TEX11: variants seen among roughly 807,000 people sequenced by gnomAD.
The protein encoded by TEX11 is testis-expressed protein 11.
TEX11 carries 7 observed loss-of-function variants against 84.4 expected under a neutral mutation model. That is an observed-to-expected ratio of 0.08 (90% confidence interval 0.05 to 0.16). The LOEUF is 0.16. Ranked by LOEUF, TEX11 falls within the 10% of genes least tolerant of loss-of-function variation. The probability of loss-of-function intolerance (pLI) is 1.00; values close to 1 mark genes in which losing one functional copy is unlikely to be tolerated. For synonymous variants in TEX11, 264 were observed against 222.8 expected, an observed-to-expected ratio of 1.18 and a Z score of -1.64; for missense variants, 551 against 660.5, an observed-to-expected ratio of 0.83 and a Z score of 1.82.
intron 24 of TEX11, among the ~76,000 whole-genome samples, chrX:70,601,082 G>T (rs1656992488): frequency 5.9e-5 from 2 of 34,111 alleles, no homozygotes; most frequent in African/African-American, 2.1e-4. Flanking sequence ...TCCAGGAGCT[G>T]GTTTTTTGAA....
At chrX:70,721,485 T>C (rs2090558854) in intron 13 of TEX11, among the ~76,000 whole-genome samples, 1 of 112,105 alleles carries the variant, frequency 8.9e-6, no homozygotes, top group Non-Finnish European at 1.9e-5. Flanking sequence ...TTAGGTCATC[T>C]AGCTCTATAA....
At chrX:70,710,888 T>G (rs1031645819) in intron 13 of TEX11, among the ~76,000 whole-genome samples, 4 of 110,564 alleles carry the variant, frequency 3.6e-5, no homozygotes, top group Non-Finnish European at 5.7e-5. Context: ...GCCGCACCCA[T>G]TAACTCGTCA....
chrX:70,699,869 A>G (rs2090311827), intron 13 of TEX11, among the ~76,000 whole-genome samples: 1 of 111,047 alleles, frequency 9.0e-6, no homozygotes, highest in South Asian at 3.8e-4. Flanking sequence ...AAGGCTGACA[A>G]TTTAATTTCA....
chrX:70,709,780 A>G (rs2090409866), intron 13 of TEX11, among the ~76,000 whole-genome samples: 1 of 111,169 alleles, frequency 9.0e-6, no homozygotes, highest in Non-Finnish European at 1.9e-5. Context: ...CTGGGAATAA[A>G]ATGGTTAAGA....
At chrX:70,544,715 T>G (rs1234897071) in intron 28 of TEX11, among the ~76,000 whole-genome samples, 1 of 108,153 alleles carries the variant, frequency 9.2e-6, no homozygotes, top group Admixed American at 1.0e-4. Flanking sequence ...GGCACACGCC[T>G]GTAATCCCAG....
At chrX:70,678,771 A>G (rs756614826) in intron 15 of TEX11, 33 bp downstream of exon 15, 1 of 1,140,087 alleles carries the variant, frequency 8.8e-7, no homozygotes, top group Non-Finnish European at 1.2e-6. Context: ...TGCAGTGGAG[A>G]AATAAAGAAT....
At chrX:70,752,535 A>AG (rs1234242372) in intron 9 of TEX11, among the ~76,000 whole-genome samples, 1 of 107,769 alleles carries the variant, frequency 9.3e-6, no homozygotes, top group Non-Finnish European at 1.9e-5. Flanking sequence ...AAAAAAAAAA[A>AG]AAAAAAAAAA....
At position 70,528,981 on chromosome X, in the gene TEX11, C is replaced by T. The variant is rs868862476; in HGVS notation, c.*114G>A. ...TTATTTTAGAAAGTTTATTCAACAA[C>T]ATGAAAACAGGGTCTGAGCAAACAG... On this transcript the variant is annotated 3_prime_UTR_variant, in exon 30 of 30. Coordinates refer to ENST00000374333, the MANE Select transcript of TEX11 (RefSeq NM_031276.3). The T allele has an allele frequency of 2.5e-5, 13 of 530,470 alleles. No homozygotes were observed. Among genetic ancestry groups the T allele is most frequent in the Middle Eastern group, 9.5e-4 (2 of 2,098 alleles). The allele number at this position is 530,470 out of a possible 1,213,427, so 43.7% of individuals were successfully genotyped here. A position where few individuals can be genotyped will look rare whatever the true frequency, so the allele number is the denominator to read the frequency against.
intron 13 of TEX11, among the ~76,000 whole-genome samples, chrX:70,709,327 A>G (rs1240272697): frequency 9.0e-6 from 1 of 111,096 alleles, no homozygotes; most frequent in Non-Finnish European, 1.9e-5. Context: ...TCAGTGGCTG[A>G]TAACCTTTTA....
At chrX:70,784,828 G>T (rs2091066985) in intron 9 of TEX11, among the ~76,000 whole-genome samples, 1 of 111,571 alleles carries the variant, frequency 9.0e-6, no homozygotes, top group South Asian at 3.8e-4. Flanking sequence ...AATAAAAGAG[G>T]ATACAAAGAA....
At chrX:70,707,349 T>TATG (rs200587259) in intron 13 of TEX11, among the ~76,000 whole-genome samples, 5,634 of 111,212 alleles carry the variant, frequency 0.051, 290 homozygotes, top group Admixed American at 0.23. Context: ...AAGTGGTGCC[T>TATG]ATGTTTTCCA....
chrX:70,848,786 A>G (rs1235241322), intron 7 of TEX11, among the ~76,000 whole-genome samples: 3 of 111,771 alleles, frequency 2.7e-5, no homozygotes, highest in East Asian at 2.8e-4. Context: ...CTTGGCTTGT[A>G]TCTCCAGGAT....
chrX:70,837,918 A>T (rs1029564023), intron 7 of TEX11, among the ~76,000 whole-genome samples: 1 of 111,914 alleles, frequency 8.9e-6, no homozygotes, highest in African/African-American at 3.2e-5. Context: ...GCAAACACAC[A>T]CAAGTGAGTT....
chrX:70,897,716 A>AAAGAAAGAAAGAAAGAAAGG (rs2091780740), intron 2 of TEX11: 1 of 101,186 alleles, frequency 9.9e-6, no homozygotes, highest in Non-Finnish European at 2.0e-5. Context: ...AGAAAGAAAG[A>AAAGAAAGAAAGAAAGAAAGG]AAGAAAGAAA....
At chrX:70,790,512 T>C (rs932155164) in intron 9 of TEX11, among the ~76,000 whole-genome samples, 2 of 111,816 alleles carry the variant, frequency 1.8e-5, no homozygotes, top group African/African-American at 3.2e-5. Context: ...CAGGGTAAAA[T>C]GCCAGGAGAG....
intron 9 of TEX11, among the ~76,000 whole-genome samples, chrX:70,754,302 C>A (rs2090851654): frequency 9.0e-6 from 1 of 111,453 alleles, no homozygotes; most frequent in African/African-American, 3.3e-5. Context: ...CAGCAGTAGT[C>A]AGGCAGTACT....
At chrX:70,532,141 A>G (rs1465852910) in intron 28 of TEX11, among the ~76,000 whole-genome samples, 2 of 111,967 alleles carry the variant, frequency 1.8e-5, no homozygotes, top group African/African-American at 6.5e-5. Flanking sequence ...ACCCTTTTGG[A>G]GCATTATAAT....
the TEX11 span, among the ~76,000 whole-genome samples, chrX:70,523,073 G>T: frequency 3.6e-5 from 4 of 110,661 alleles, no homozygotes; most frequent in Admixed American, 2.9e-4. Context: ...GTATGTTTTA[G>T]TTATGATTAG....
chrX:70,652,341 G>C (rs1030657749), intron 16 of TEX11, among the ~76,000 whole-genome samples: 3 of 111,521 alleles, frequency 2.7e-5, no homozygotes, highest in African/African-American at 9.8e-5. Flanking sequence ...AGAACCATGA[G>C]TTGTACACGT....
Sources: allele counts gnomAD v4.1 joint callset (sites outside exome capture counted in the v4.1 genomes callset), GRCh38; gene constraint gnomAD v4.1.1; transcripts MANE v1.5; gene names NCBI Gene and HGNC (gene_info 2026-07-23, HGNC 2026-07-21).